Variants in ABCC9 observed in about 807,000 individuals in gnomAD.
ABCC9 encodes ATP binding cassette subfamily C member 9.
A neutral mutation model predicts 188.3 loss-of-function variants in ABCC9; 95 were observed. That is an observed-to-expected ratio of 0.50 (90% confidence interval 0.43 to 0.60). The LOEUF is 0.60. Among genes scored for constraint, ABCC9 ranks in the 20% least tolerant of loss-of-function variants. The pLI, the probability that ABCC9 is intolerant of heterozygous loss-of-function variation, is 0.00. For missense variants in ABCC9, 1,102 were observed against 1,876.3 expected (o/e 0.59, Z 7.62); for synonymous variants, 659 against 652.7 (o/e 1.01, Z -0.15).
chr12:21,907,979 C>T, intron 11 of ABCC9, 98 bp downstream of exon 11: 1 of 1,338,522 alleles, frequency 7.5e-7, no homozygotes, highest in Non-Finnish European at 1.0e-6. Flanking sequence ...AGAATTGTTT[C>T]CAAATTATCT....
At chr12:21,915,245 G>GTGTGTGTGTGTGTGTGTGTGTGTT (rs1334730080) in intron 7 of ABCC9, among the ~76,000 whole-genome samples, 3 of 86,616 alleles carry the variant, frequency 3.5e-5, no homozygotes, top group Non-Finnish European at 5.0e-5. Flanking sequence ...GTGTGTGTGT[G>GTGTGTGTGTGTGTGTGTGTGTGTT]TGTGTGTGTG....
chr12:21,882,771 T>C lies in ABCC9; in HGVS notation c.2014A>G (p.Ile672Val), dbSNP rs1319247308. The change falls in exon 16 of 40, where the codon ATA (isoleucine) becomes GTA (valine). Residue 672 changes from isoleucine (I) to valine (V), a missense_variant. Transcript: ENST00000261200. The stretch of plus-strand genomic sequence containing the variant: ...ATCCAGGAAATAAAAATAACCTTTA[T>C]TGCAATGTCCTCTGTTTCTGCGGGA... ...LRPAETEDIA[I>V]KVTNGYFSWG... 8 of 1,607,738 alleles carry C rather than the reference T, an allele frequency of 5.0e-6. No individual in the cohort carries two copies. Among genetic ancestry groups the C allele is most frequent in the African/African-American group, 4.0e-5 (3 of 74,764 alleles).
chr12:21,892,248 A>G (rs1049197754), intron 14 of ABCC9, among the ~76,000 whole-genome samples: 4 of 146,650 alleles, frequency 2.7e-5, no homozygotes, highest in African/African-American at 9.9e-5. Context: ...TTGGAGGGAC[A>G]CCCCTAGATT....
chr12:21,883,386 A>G (rs1247383889), intron 15 of ABCC9, among the ~76,000 whole-genome samples: 1 of 152,190 alleles, frequency 6.6e-6, no homozygotes, highest in East Asian at 1.9e-4. Context: ...GGTTTTACAT[A>G]GGGGAGTTCC....
chr12:21,862,375 T>G (rs932193707), intron 20 of ABCC9, among the ~76,000 whole-genome samples: 2 of 152,146 alleles, frequency 1.3e-5, no homozygotes, highest in East Asian at 3.9e-4. Context: ...TGGTCTACTT[T>G]TCTCCTCCCT....
chr12:21,810,563 GA>G (rs1942167395), intron 36 of ABCC9, among the ~76,000 whole-genome samples: 1 of 152,046 alleles, frequency 6.6e-6, no homozygotes, highest in South Asian at 2.1e-4. Flanking sequence ...AGCAAAGTGG[GA>G]AAAGCCCCTT....
intron 38 of ABCC9, 38 bp from the exon 39 acceptor site, chr12:21,806,098 CTTTGTCATCATAATAT>C: frequency 6.4e-7 from 1 of 1,571,952 alleles, no homozygotes; most frequent in Non-Finnish European, 8.7e-7. Flanking sequence ...CTCGGGATTA[CTTTGTCATCATAATAT>C]TTTGCCCCAA....
intron 27 of ABCC9, 64 bp from the exon 28 acceptor site, chr12:21,844,616 A>G: frequency 6.4e-7 from 1 of 1,560,842 alleles, no homozygotes; most frequent in Non-Finnish European, 8.8e-7. Flanking sequence ...GGCATTGCTA[A>G]TGGGCATCTT....
Position 21,829,448 on chromosome 12 carries a change from A to T in ABCC9, c.3567-388T>A, listed in dbSNP as rs574380429. 3.9e-5 allele frequency among the ~76,000 whole-genome samples: 6 copies of T among 151,926 alleles called. No individual in the cohort carries two copies. The East Asian group carries it at 7.8e-4, about 20-fold the overall frequency. On this transcript the variant is annotated intron_variant, in intron 30 of 39. Coordinates refer to ENST00000261200, the MANE Select transcript of ABCC9 (RefSeq NM_020297.4). Reference sequence around the variant, plus strand: ...GATCTCCTGACCTTGTGATCCGCCCACCTTGGCCTCCCAAAGTGCTGGGAT... The same window carrying T: ...GATCTCCTGACCTTGTGATCCGCCCTCCTTGGCCTCCCAAAGTGCTGGGAT...
chr12:21,831,555 TAAAG>T (rs987569666), intron 30 of ABCC9, among the ~76,000 whole-genome samples: 5 of 151,664 alleles, frequency 3.3e-5, no homozygotes, highest in African/African-American at 9.7e-5. Flanking sequence ...TACACGAACA[TAAAG>T]GAAGGGCATG....
rs2137581867 is a variant in ABCC9, at chr12:21,872,683, G to A, written c.2140C>T (p.Leu714Phe). The change falls in exon 18 of 40, where the codon CTT becomes TTT. Residue 714 changes from leucine to phenylalanine, a missense_variant. Transcript: ENST00000261200. ...ATCTCACCGAGGATGGCAAGGAGAA[G>A]AGAGGACTTCCCACATCCTACTTGG... ...VGQVGCGKSS[L>F]LLAILGEMQT... 2 of 1,613,908 alleles carry A rather than the reference G, an allele frequency of 1.2e-6. No homozygotes were observed. Among genetic ancestry groups the A allele is most frequent in the Non-Finnish European group, 1.7e-6 (2 of 1,179,834 alleles).
intron 33 of ABCC9, 30 bp downstream of exon 33, chr12:21,817,152 TATTTA>T: frequency 6.2e-7 from 1 of 1,605,924 alleles, no homozygotes. Context: ...TTAAAATAAA[TATTTA>T]AGTGAGACAA....
intron 31 of ABCC9, among the ~76,000 whole-genome samples, chr12:21,825,561 C>G (rs1211236262): frequency 6.7e-6 from 1 of 150,140 alleles, no homozygotes; most frequent in African/African-American, 2.5e-5. Context: ...CCAAACATCG[C>G]ATGTTCTCAC....
intron 24 of ABCC9, among the ~76,000 whole-genome samples, chr12:21,851,802 TAAGTA>T (rs796216946): frequency 2.6e-5 from 4 of 152,282 alleles, no homozygotes; most frequent in African/African-American, 9.6e-5. Context: ...ATGCTTCAGT[TAAGTA>T]GTTTCTGTAA....
rs201848437 is a variant in ABCC9, at chr12:21,872,666, G to A, written c.2157C>T (p.Leu719=). ...TTCCTTCCAATGTCTGCATCTCACC[G>A]AGGATGGCAAGGAGAAGAGAGGACT... The part of the protein sequence containing the change: ...CGKSSLLLAI[L]GEMQTLEGKV... The change falls in exon 18 of 40, where the codon CTC becomes CTT. Residue 719 remains leucine, a synonymous_variant. Coordinates refer to ENST00000261200, the MANE Select transcript of ABCC9 (RefSeq NM_020297.4). The A allele has an allele frequency of 1.7e-5, 27 of 1,613,792 alleles. No individual in the cohort carries two copies. In the Admixed American group the frequency reaches 2.7e-4, roughly 16 times the overall value.
At chr12:21,836,460 A>G (rs1944100642) in intron 30 of ABCC9, among the ~76,000 whole-genome samples, 1 of 152,104 alleles carries the variant, frequency 6.6e-6, no homozygotes, top group African/African-American at 2.4e-5. Flanking sequence ...CACATCTGTT[A>G]TATCTTCTTT....
At chr12:21,850,180 C>T (rs1340600535) in intron 24 of ABCC9, among the ~76,000 whole-genome samples, 1 of 150,832 alleles carries the variant, frequency 6.6e-6, no homozygotes, top group Non-Finnish European at 1.5e-5. Flanking sequence ...CCCCCTGCCC[C>T]AGTTTGTGAC....
intron 12 of ABCC9, among the ~76,000 whole-genome samples, chr12:21,899,193 A>T (rs1947585545): frequency 6.6e-6 from 1 of 152,242 alleles, no homozygotes; most frequent in African/African-American, 2.4e-5. Flanking sequence ...TTATTTCTAA[A>T]CAGAACTAAC....
At chr12:21,896,104 T>TTTTTTTTTTTTTTA (rs1947401923) in intron 12 of ABCC9, among the ~76,000 whole-genome samples, 1 of 43,696 alleles carries the variant, frequency 2.3e-5, no homozygotes, top group Non-Finnish European at 5.6e-5. Flanking sequence ...TTTTTACTTT[T>TTTTTTTTTTTTTTA]CTTTTTTTTT....
Sources: gnomAD v4.1 joint callset for allele counts (sites outside exome capture counted in the v4.1 genomes callset) on GRCh38, gnomAD v4.1.1 for gene constraint, MANE v1.5 for transcripts, NCBI Gene and HGNC (gene_info 2026-07-23, HGNC 2026-07-21) for gene names.